The following SLC22A23 variants were observed in gnomAD, a reference collection of about 807,000 sequenced individuals.
The protein encoded by SLC22A23 is ion transporter protein.
Under a neutral mutation model 61.0 loss-of-function variants are expected in SLC22A23, and 26 were observed. That is an observed-to-expected ratio of 0.43 (90% confidence interval 0.31 to 0.59). SLC22A23 has a LOEUF of 0.59. Ranked by LOEUF, SLC22A23 falls within the 20% of genes least tolerant of loss-of-function variation. The pLI is 0.11. For missense variants in SLC22A23, 796 were observed against 934.7 expected (o/e 0.85, Z 1.94); for synonymous variants, 430 against 413.9 (o/e 1.04, Z -0.47).
chr6:3,383,755 T>C (rs1268541659), intron 3 of SLC22A23, among the ~76,000 whole-genome samples: 1 of 151,822 alleles, frequency 6.6e-6, no homozygotes, highest in Non-Finnish European at 1.5e-5. Flanking sequence ...TGATACCAGC[T>C]CAGCAAAACA....
At chr6:3,402,473 C>T (rs1232437842) in intron 3 of SLC22A23, among the ~76,000 whole-genome samples, 2 of 140,260 alleles carry the variant, frequency 1.4e-5, no homozygotes, top group African/African-American at 5.4e-5. Context: ...GCCCTAATCA[C>T]CCACACTACC....
chr6:3,283,895 G>A lies in SLC22A23; in HGVS notation c.1660C>T (p.Leu554Phe), dbSNP rs1759719573. Reference sequence around the variant, plus strand: ...ATCTCCGCACAGAAGAACACGCTGAGGCTCCCCACCGCATGGGAGGCAAAC... The same window carrying A: ...ATCTCCGCACAGAAGAACACGCTGAAGCTCCCCACCGCATGGGAGGCAAAC... Reference protein sequence around the residue: ...GMFASHAVGSLSVFFCAEITP... With the variant: ...GMFASHAVGSFSVFFCAEITP... The change falls in exon 9 of 10, where the codon CTC becomes TTC. Residue 554 changes from leucine to phenylalanine, a missense_variant. By Grantham distance (22) the Leu-to-Phe change is conservative. Transcript: ENST00000406686. 1 of 1,612,940 alleles carries A rather than the reference G, an allele frequency of 6.2e-7. No individual in the cohort carries two copies.
At position 3,400,051 on chromosome 6, in the gene SLC22A23, T is replaced by G. The variant is rs1768278297; in HGVS notation, c.913+10137A>C. ...GCACCACCATGCCTGGCTAATTTTT[T>G]GCATTTAATAGAGATGGGGTTTCAC... On this transcript the variant is annotated intron_variant, in intron 3 of 9. Coordinates refer to ENST00000406686, the MANE Select transcript of SLC22A23 (RefSeq NM_015482.2). 2.0e-5 allele frequency among the ~76,000 whole-genome samples: 3 copies of G among 152,126 alleles called. No homozygotes were observed. In the South Asian group the frequency reaches 6.2e-4, roughly 32 times the overall value.
At position 3,308,666 on chromosome 6, in the gene SLC22A23, C is replaced by T. The variant is rs1270665148; in HGVS notation, c.1083-10448G>A. 3.9e-5 allele frequency among the ~76,000 whole-genome samples: 6 copies of T among 152,136 alleles called. No individual in the cohort carries two copies. Among genetic ancestry groups the T allele is most frequent in the East Asian group, 1.9e-4 (1 of 5,194 alleles). On this transcript the variant is annotated intron_variant, in intron 4 of 9. Coordinates refer to ENST00000406686, the MANE Select transcript of SLC22A23 (RefSeq NM_015482.2). This position sits in a 1 kb window ranked among gnomAD's most constrained non-coding sequence, Gnocchi z 5.1. ...CCTAACATAAAACCACAGCATGGGC[C>T]GGGTGTGGTGGCTCACACCTGTAAT... is the stretch of plus-strand genomic sequence containing the variant.
At position 3,297,947 on chromosome 6, in the gene SLC22A23, C is replaced by T; in HGVS notation, c.1210+144G>A. On this transcript the variant is annotated intron_variant, in intron 5 of 9. Coordinates refer to ENST00000406686, the MANE Select transcript of SLC22A23 (RefSeq NM_015482.2). The surrounding 1 kb of genome is among the most constrained non-coding windows in gnomAD (Gnocchi z 4.3). ...AAAATGGAGAGAATGTCAAGGTTGC[C>T]ACATTGCCCTTGTGCAGGCCAAAAG... 1.1e-6 allele frequency: 1 copy of T among 927,668 alleles called. No individual in the cohort carries two copies. The allele number at this position is 927,668 out of a possible 1,614,324, so 57.5% of individuals were successfully genotyped here. A position where few individuals can be genotyped will look rare whatever the true frequency, so the allele number is the denominator to read the frequency against.
rs566771253 is a variant in SLC22A23 at position 3,297,528 on chromosome 6, C to A, written c.1210+563G>T. 2.0e-5 allele frequency among the ~76,000 whole-genome samples: 3 copies of A among 152,320 alleles called. No homozygotes were observed. Among genetic ancestry groups the A allele is most frequent in the African/African-American group, 7.2e-5 (3 of 41,574 alleles). On this transcript the variant is annotated intron_variant, in intron 5 of 9. Transcript: ENST00000406686. The surrounding 1 kb of genome is among the most constrained non-coding windows in gnomAD (Gnocchi z 4.3). ...GGCCCAGGAATCTGGATTTTAACAA[C>A]CTCCTGGTGATACGTGGATCCCCAG...
chr6:3,276,782 C>T (rs1284788498), intron 9 of SLC22A23: 1 of 152,236 alleles, frequency 6.6e-6, no homozygotes, highest in Admixed American at 6.5e-5. Context: ...AAGACTGGGG[C>T]ATCAGCCATT....
chr6:3,446,665 C>G (rs1276357078), intron 1 of SLC22A23, among the ~76,000 whole-genome samples: 1 of 152,212 alleles, frequency 6.6e-6, no homozygotes, highest in Admixed American at 6.5e-5. Context: ...CGCAGGCCAG[C>G]ATGTCTGCTT....
chr6:3,456,307 G>T lies in SLC22A23; in HGVS notation c.253C>A (p.Leu85Met). Residue 85 changes from leucine to methionine, a missense_variant, in exon 1 of 10, where the codon CTG (leucine) becomes ATG (methionine). Physicochemically the swap from Leu to Met is conservative, Grantham distance 15. Transcript: ENST00000406686. The surrounding 1 kb of genome is among the most constrained non-coding windows in gnomAD (Gnocchi z 7.1). ...LLLLDYDGSV[L>M]PFLGGLGGGY... ...CCGCCCAGGCCCCCGAGGAAGGGCA[G>T]CACCGACCCGTCATAGTCCAGCAAC... The T allele has an allele frequency of 6.4e-7, 1 of 1,550,782 alleles. No individual in the cohort carries two copies. Among genetic ancestry groups the T allele is most frequent in the Non-Finnish European group, 8.7e-7 (1 of 1,146,766 alleles).
At chr6:3,421,698 G>GA (rs969644332) in intron 1 of SLC22A23, among the ~76,000 whole-genome samples, 5 of 151,774 alleles carry the variant, frequency 3.3e-5, no homozygotes, top group African/African-American at 1.2e-4. Context: ...TCAAATGACA[G>GA]AAAAAAAATG....
intron 1 of SLC22A23, among the ~76,000 whole-genome samples, chr6:3,449,205 TA>T (rs1226318698): frequency 7.2e-5 from 11 of 152,350 alleles, no homozygotes; most frequent in African/African-American, 2.4e-4. Flanking sequence ...AAAGAAGTTA[TA>T]AGATCATAAA....
chr6:3,395,639 G>C (rs373651920), intron 3 of SLC22A23, among the ~76,000 whole-genome samples: 1 of 152,202 alleles, frequency 6.6e-6, no homozygotes, highest in Non-Finnish European at 1.5e-5. Context: ...GAGCAGGCCA[G>C]GGGTGAAATA....
chr6:3,446,356 CAT>C (rs949444481), intron 1 of SLC22A23, among the ~76,000 whole-genome samples: 1 of 152,200 alleles, frequency 6.6e-6, no homozygotes, highest in African/African-American at 2.4e-5. Context: ...ACTAGATAAT[CAT>C]ATTAAACATG....
chr6:3,284,027 G>A (rs964373295), intron 8 of SLC22A23, 52 bp from the exon 9 acceptor site: 5 of 1,556,180 alleles, frequency 3.2e-6, no homozygotes, highest in Non-Finnish European at 4.4e-6. Context: ...GCCAGGCCAG[G>A]GTGGGAGGGA....
At position 3,387,059 on chromosome 6, in the gene SLC22A23, G is replaced by A. The variant is rs374455414; in HGVS notation, c.913+23129C>T. Among the ~76,000 whole-genome samples the A allele has an allele frequency of 7.9e-5, 12 of 152,362 alleles. No homozygotes were observed. Among genetic ancestry groups the A allele is most frequent in the African/African-American group, 2.9e-4 (12 of 41,580 alleles). ...AAAATACACACGTTTAGAAGAGACA[G>A]CTTTTTGAGGAGTGAGGAGGTAAAC... is the stretch of plus-strand genomic sequence containing the variant. On this transcript the variant is annotated intron_variant, in intron 3 of 9. Transcript: ENST00000406686. The surrounding 1 kb of genome is among the most constrained non-coding windows in gnomAD (Gnocchi z 5.0).
In SLC22A23 at chr6:3,342,270, TTAACA is replaced by T. The variant is rs371866655; in HGVS notation, c.914-18273_914-18269del. 4.1e-3 allele frequency among the ~76,000 whole-genome samples: 631 copies of T among 152,316 alleles called. 6 individuals are homozygous for T. Among genetic ancestry groups the T allele is most frequent in the African/African-American group, 0.015 (610 of 41,564 alleles). On this transcript the variant is annotated intron_variant, in intron 3 of 9. Coordinates refer to ENST00000406686, the MANE Select transcript of SLC22A23 (RefSeq NM_015482.2). The surrounding 1 kb of genome is among the most constrained non-coding windows in gnomAD (Gnocchi z 4.0). The stretch of plus-strand genomic sequence containing the variant: ...TGCTGTTTTAAGGCCATGTGTCTCC[TTAACA>T]TAACTCTTTTTCAAAAAGTCATTGG...
rs566469287 is a variant in SLC22A23, at chr6:3,327,032, G to A, written c.914-3030C>T. 1.1e-4 allele frequency among the ~76,000 whole-genome samples: 16 copies of A among 151,584 alleles called. No individual in the cohort carries two copies. The highest frequency in any genetic ancestry group is 9.8e-4 in the Admixed American group (15 of 15,242). On this transcript the variant is annotated intron_variant, in intron 3 of 9. Coordinates refer to ENST00000406686, the MANE Select transcript of SLC22A23 (RefSeq NM_015482.2). This position sits in a 1 kb window ranked among gnomAD's most constrained non-coding sequence, Gnocchi z 4.1. Reference sequence around the variant, plus strand: ...GAGGGACGGGGACTGCAGGTGGATCGTTTCTGCTGGGAGGGACGGGGACTG... The same window carrying A: ...GAGGGACGGGGACTGCAGGTGGATCATTTCTGCTGGGAGGGACGGGGACTG...
chr6:3,395,390 G>A (rs1370236922), intron 3 of SLC22A23, among the ~76,000 whole-genome samples: 1 of 152,112 alleles, frequency 6.6e-6, no homozygotes, highest in African/African-American at 2.4e-5. Context: ...GTCAGGCAGG[G>A]GACCACAAGG....
intron 1 of SLC22A23, among the ~76,000 whole-genome samples, chr6:3,440,599 C>G (rs558310417): frequency 6.6e-6 from 1 of 151,280 alleles, no homozygotes; most frequent in East Asian, 2.0e-4. Context: ...CCCAGCTACT[C>G]GGGAGGCTGA....
Sources: gnomAD v4.1 joint callset for allele counts (sites outside exome capture counted in the v4.1 genomes callset) on GRCh38, gnomAD v4.1.1 for gene constraint, Gnocchi (gnomAD v3.1) non-coding constraint, MANE v1.5 for transcripts, NCBI Gene and HGNC (gene_info 2026-07-23, HGNC 2026-07-21) for gene names.